Variants in KIAA0825 observed in about 807,000 individuals in gnomAD.
KIAA0825 encodes the protein uncharacterized protein KIAA0825.
KIAA0825 carries 119 observed loss-of-function variants against 147.6 expected under a neutral mutation model. The observed-to-expected ratio is 0.81, with a 90% CI of 0.69 to 0.94. The LOEUF (loss-of-function observed/expected upper bound fraction) is 0.94. Among genes scored for constraint, KIAA0825 ranks in the 40% least tolerant of loss-of-function variants. The pLI, the probability that KIAA0825 is intolerant of heterozygous loss-of-function variation, is 0.00. For missense variants in KIAA0825, 1,381 were observed against 1,472.7 expected (o/e 0.94, Z 1.02); for synonymous variants, 470 against 518.1 (o/e 0.91, Z 1.26).
chr5:94,183,210 AT>A (rs994196498), intron 20 of KIAA0825, among the ~76,000 whole-genome samples: 1 of 152,212 alleles, frequency 6.6e-6, no homozygotes, highest in African/African-American at 2.4e-5. Context: ...TACACCAAAA[AT>A]AATTGATATA....
chr5:94,301,886 G>T (rs1027446022), intron 20 of KIAA0825, among the ~76,000 whole-genome samples: 5 of 152,072 alleles, frequency 3.3e-5, no homozygotes, highest in Non-Finnish European at 5.9e-5. Context: ...CCTCTAAAAT[G>T]AGTGTTCAAA....
intron 20 of KIAA0825, among the ~76,000 whole-genome samples, chr5:94,202,992 C>T (rs1405306280): frequency 6.6e-6 from 1 of 152,156 alleles, no homozygotes; most frequent in South Asian, 2.1e-4. Context: ...AACTGTACCC[C>T]TATCTGTCCT....
At chr5:94,543,850 C>T (rs1773826053) in intron 2 of KIAA0825, among the ~76,000 whole-genome samples, 1 of 152,200 alleles carries the variant, frequency 6.6e-6, no homozygotes, top group Non-Finnish European at 1.5e-5. Flanking sequence ...CCCATCAGCA[C>T]CATGACAGTT....
rs535602691 is a variant in KIAA0825, at chr5:94,310,436, T to C, written c.3710+73932A>G. 7.2e-5 allele frequency among the ~76,000 whole-genome samples: 11 copies of C among 151,860 alleles called. No homozygotes were observed. The South Asian group carries it at 2.1e-3, about 29-fold the overall frequency. On this transcript the variant is annotated intron_variant, in intron 20 of 20. Coordinates refer to ENST00000682413, the MANE Select transcript of KIAA0825 (RefSeq NM_001145678.3). ...GAGATATTTACAAAACCAGAGTTCT[T>C]AATTAGTTTAATAATTTTATGTTCA...
In KIAA0825 at chr5:94,549,476, C is replaced by T. The variant is rs556454973; in HGVS notation, c.-1-12349G>A. Among the ~76,000 whole-genome samples the T allele has an allele frequency of 3.3e-4, 51 of 152,310 alleles. 1 individual carries two copies. In the South Asian group the frequency reaches 0.01, roughly 31 times the overall value. On this transcript the variant is annotated intron_variant, in intron 2 of 20. Transcript: ENST00000682413. ...CCTGTAATTCCAGCACTTTGAGAGGCTGAGGCAGGCAGATGCCCTGAGGTC... is the reference window on the plus strand; with the variant it reads ...CCTGTAATTCCAGCACTTTGAGAGGTTGAGGCAGGCAGATGCCCTGAGGTC...
intron 2 of KIAA0825, among the ~76,000 whole-genome samples, chr5:94,546,517 C>CAGAGAG (rs34483380): frequency 2.3e-4 from 35 of 149,166 alleles, no homozygotes; most frequent in African/African-American, 7.2e-4. Flanking sequence ...TGGCTCAGCA[C>CAGAGAG]AGAGAGAGAG....
chr5:94,490,766 T>C (rs1186279748), intron 5 of KIAA0825, among the ~76,000 whole-genome samples: 2 of 152,140 alleles, frequency 1.3e-5, no homozygotes, highest in African/African-American at 4.8e-5. Context: ...GTAAAGAATA[T>C]AGACTACAGA....
At chr5:94,196,048 T>C (rs1456841640) in intron 20 of KIAA0825, among the ~76,000 whole-genome samples, 1 of 152,180 alleles carries the variant, frequency 6.6e-6, no homozygotes, top group Non-Finnish European at 1.5e-5. Flanking sequence ...GTACATGCGA[T>C]TTCAGCTAAG....
At chr5:94,325,586 T>C (rs1780606859) in intron 20 of KIAA0825, among the ~76,000 whole-genome samples, 3 of 151,896 alleles carry the variant, frequency 2.0e-5, no homozygotes, top group African/African-American at 7.2e-5. Flanking sequence ...CAATAGAAAA[T>C]ATATAAAAAT....
Position 94,396,271 on chromosome 5 carries a change from T to C in KIAA0825, c.3126A>G (p.Arg1042=), listed in dbSNP as rs1750640812. 1 of 1,551,430 alleles carries C rather than the reference T, an allele frequency of 6.4e-7. No individual in the cohort carries two copies. Among genetic ancestry groups the C allele is most frequent in the African/African-American group, 1.4e-5 (1 of 73,156 alleles). ...TTAAACCCAATTTTTCTTTACTCCA[T>C]CTGTCAAGAGAGGCACCTGTTAAAA... ...VELLTGASLD[R]WSKEKLGLIC... is the part of the protein sequence containing the mutation. Residue 1042 remains arginine, a synonymous_variant, in exon 17 of 21, where the codon AGA becomes AGG. Coordinates refer to ENST00000682413, the MANE Select transcript of KIAA0825 (RefSeq NM_001145678.3).
chr5:94,216,835 C>T (rs538003718), intron 20 of KIAA0825, among the ~76,000 whole-genome samples: 1 of 152,196 alleles, frequency 6.6e-6, no homozygotes, highest in Admixed American at 6.5e-5. Context: ...TTTAGGAGAA[C>T]TGAAAAGTAC....
intron 20 of KIAA0825, among the ~76,000 whole-genome samples, chr5:94,278,429 T>G (rs911660636): frequency 1.3e-5 from 2 of 152,158 alleles, no homozygotes; most frequent in African/African-American, 2.4e-5. Flanking sequence ...AAATTCAGTA[T>G]GAAAATTTGG....
chr5:94,336,733 T>G (rs1197361501), intron 20 of KIAA0825, among the ~76,000 whole-genome samples: 1 of 152,162 alleles, frequency 6.6e-6, no homozygotes, highest in African/African-American at 2.4e-5. Flanking sequence ...CGTGTTCATG[T>G]GTCTTTATAG....
At chr5:94,399,254 G>A (rs578176864) in intron 16 of KIAA0825, among the ~76,000 whole-genome samples, 1 of 152,110 alleles carries the variant, frequency 6.6e-6, no homozygotes, top group Admixed American at 6.5e-5. Flanking sequence ...TTTTGTGTTT[G>A]TATCTCATAG....
intron 20 of KIAA0825, among the ~76,000 whole-genome samples, chr5:94,209,815 G>C (rs997869551): frequency 6.6e-6 from 1 of 151,982 alleles, no homozygotes; most frequent in African/African-American, 2.4e-5. Context: ...ATGTCTTCTA[G>C]GAATCCCTAT....
intron 20 of KIAA0825, among the ~76,000 whole-genome samples, chr5:94,289,190 A>G (rs1777780223): frequency 6.6e-6 from 1 of 152,318 alleles, no homozygotes; most frequent in Non-Finnish European, 1.5e-5. Flanking sequence ...TGTTTGCTAA[A>G]AATAATACTA....
chr5:94,588,065 T>C (rs1455887998), intron 1 of KIAA0825, among the ~76,000 whole-genome samples: 1 of 152,094 alleles, frequency 6.6e-6, no homozygotes, highest in African/African-American at 2.4e-5. Context: ...AAGACTTAAA[T>C]GTAAGACCTA....
At chr5:94,341,588 G>A (rs1782391639) in intron 20 of KIAA0825, among the ~76,000 whole-genome samples, 2 of 152,192 alleles carry the variant, frequency 1.3e-5, no homozygotes, top group African/African-American at 4.8e-5. Flanking sequence ...ATGAAAGAGT[G>A]AAACTGAAGA....
intron 20 of KIAA0825, among the ~76,000 whole-genome samples, chr5:94,315,221 G>A (rs957123776): frequency 1.3e-5 from 2 of 151,618 alleles, no homozygotes; most frequent in East Asian, 2.0e-4. Flanking sequence ...CTAAAAAGGC[G>A]TCTTCTTTTT....
Sources: allele counts gnomAD v4.1 joint callset (sites outside exome capture counted in the v4.1 genomes callset), GRCh38; gene constraint gnomAD v4.1.1; transcripts MANE v1.5; gene names NCBI Gene and HGNC (gene_info 2026-07-23, HGNC 2026-07-21).